The following GRAMD2A variants were observed in gnomAD, a reference collection of about 807,000 sequenced individuals.
GRAMD2A encodes the protein GRAM domain containing 2A.
Under a neutral mutation model 51.1 loss-of-function variants are expected in GRAMD2A, and 37 were observed. The observed-to-expected ratio is 0.72, with a 90% confidence interval of 0.56 to 0.95. The LOEUF (loss-of-function observed/expected upper bound fraction) is 0.95, where lower values mean the gene tolerates loss of function less well. Ranked by LOEUF, GRAMD2A falls within the 40% of genes least tolerant of loss-of-function variation. GRAMD2A has a pLI of 0.00. For missense variants in GRAMD2A, 414 were observed against 426.9 expected (o/e 0.97, Z 0.27); for synonymous variants, 136 against 157.1 (o/e 0.87, Z 1.01).
At position 72,160,537 on chromosome 15, in the gene GRAMD2A, C is replaced by T. The variant is rs1461457312; in HGVS notation, c.*1472G>A. Reference sequence around the variant, plus strand: ...CATAAACAGGACAGACAGTCGTCTGCTTCACAATAAATAATTTCCACCTGG... The same window carrying T: ...CATAAACAGGACAGACAGTCGTCTGTTTCACAATAAATAATTTCCACCTGG... On this transcript the variant is annotated 3_prime_UTR_variant, in exon 12 of 12. Transcript: ENST00000309731. 1 of 152,208 alleles carries T rather than the reference C, an allele frequency of 6.6e-6. No homozygotes were observed. The highest frequency in any genetic ancestry group is 1.5e-5 in the Non-Finnish European group (1 of 68,054). The allele number at this position is 152,208 out of a possible 1,614,324, so 9.4% of individuals were successfully genotyped here. A position where few individuals can be genotyped will look rare whatever the true frequency, so the allele number is the denominator to read the frequency against.
intron 1 of GRAMD2A, among the ~76,000 whole-genome samples, chr15:72,193,885 T>C (rs78813711): frequency 1.1e-4 from 17 of 152,314 alleles, no homozygotes; most frequent in African/African-American, 3.8e-4. Context: ...GGAATCACTT[T>C]CTCCTACAGT....
chr15:72,165,714 C>A (rs923011278), intron 7 of GRAMD2A, among the ~76,000 whole-genome samples: 1 of 152,224 alleles, frequency 6.6e-6, no homozygotes, highest in Non-Finnish European at 1.5e-5. Flanking sequence ...TAAGGAAGCA[C>A]AAGTGAGGGC....
At position 72,162,327 on chromosome 15, in the gene GRAMD2A, C is replaced by G; in HGVS notation, c.1007G>C (p.Arg336Pro). The change falls in exon 11 of 12, where the codon CGG (arginine) becomes CCG (proline). Residue 336 changes from arginine to proline, a missense_variant. Physicochemically the swap from Arg to Pro is moderately radical, Grantham distance 103. Transcript: ENST00000309731. ...CAAGGAGCATAACTGCTGCTCTAGC[C>G]GAGAAATACGGAACGCCAGGTAGGA... is the stretch of plus-strand genomic sequence containing the variant. ...SSSYLAFRIS[R>P]LEQQLCSLSW... The G allele has an allele frequency of 6.2e-7, 1 of 1,614,082 alleles. No homozygotes were observed. Among genetic ancestry groups the G allele is most frequent in the Non-Finnish European group, 8.5e-7 (1 of 1,180,004 alleles).
chr15:72,197,235 C>A (rs1392704838), intron 1 of GRAMD2A, among the ~76,000 whole-genome samples: 1 of 152,180 alleles, frequency 6.6e-6, no homozygotes, highest in African/African-American at 2.4e-5. Context: ...TGCCTCCCCG[C>A]AGCCGCGGGC....
chr15:72,167,473 C>T (rs2081560043), intron 5 of GRAMD2A, among the ~76,000 whole-genome samples: 1 of 152,212 alleles, frequency 6.6e-6, no homozygotes, highest in African/African-American at 2.4e-5. Context: ...TCTGAAATAC[C>T]CAGAGGCAGA....
chr15:72,188,669 T>G (rs1024574567), intron 1 of GRAMD2A, among the ~76,000 whole-genome samples: 1 of 152,142 alleles, frequency 6.6e-6, no homozygotes, highest in Non-Finnish European at 1.5e-5. Flanking sequence ...TTTTCTGTAT[T>G]TTTGGTATAC....
rs144817276 is a variant in GRAMD2A, at chr15:72,171,408, A to G, written c.42-1469T>C. Among the ~76,000 whole-genome samples, 79 of 152,266 alleles carry G rather than the reference A, an allele frequency of 5.2e-4. 2 individuals are homozygous for G. The East Asian group carries it at 0.013, about 26-fold the overall frequency. On this transcript the variant is annotated intron_variant, in intron 1 of 11. Coordinates refer to ENST00000309731, the MANE Select transcript of GRAMD2A (RefSeq NM_001012642.3). ...AAAATGTATGATAAACATATAACCT[A>G]TGTAAATGGTTATATAATCTATAAT...
chr15:72,178,619 A>G (rs922697791), intron 1 of GRAMD2A, among the ~76,000 whole-genome samples: 1 of 116,128 alleles, frequency 8.6e-6, no homozygotes, highest in African/African-American at 3.5e-5. Flanking sequence ...TCTATCGCCC[A>G]GGCTGGAGTG....
At chr15:72,169,635 A>C in intron 2 of GRAMD2A, 1 of 694,090 alleles carries the variant, frequency 1.4e-6, no homozygotes, top group Non-Finnish European at 2.6e-6. Context: ...AGGAGGCTGG[A>C]AACCCGAGAA....
intron 1 of GRAMD2A, among the ~76,000 whole-genome samples, chr15:72,184,600 A>G (rs1037358388): frequency 6.6e-6 from 1 of 152,148 alleles, no homozygotes; most frequent in East Asian, 1.9e-4. Context: ...GCTCCTGCCA[A>G]CTCGGCTCCC....
chr15:72,170,419 G>A lies in GRAMD2A; in HGVS notation c.42-480C>T. The stretch of plus-strand genomic sequence containing the variant: ...GCCTTATCAAAGCTCAGGAGCTGAT[G>A]CGCTGAAGGTGTGGGAGGTGGACGC... On this transcript the variant is annotated intron_variant, in intron 1 of 11. Coordinates refer to ENST00000309731, the MANE Select transcript of GRAMD2A (RefSeq NM_001012642.3). The surrounding 1 kb of genome is among the most constrained non-coding windows in gnomAD (Gnocchi z 4.5). 2 of 456,226 alleles carry A rather than the reference G, an allele frequency of 4.4e-6. No homozygotes were observed. The highest frequency in any genetic ancestry group is 3.1e-5 in the South Asian group (2 of 64,556). 28.3% of individuals were successfully genotyped at this position (456,226 alleles called of 1,614,324 possible). A position where few individuals can be genotyped will look rare whatever the true frequency, so the allele number is the denominator to read the frequency against.
In GRAMD2A at chr15:72,163,383, T is replaced by C. The variant is rs781611747; in HGVS notation, c.839A>G (p.Asn280Ser). ...AGCATTCTTTGCAGTGGGAGAGCAG[T>C]TCGGCATCTTCTTAGGGCAGGCAGG... ...WGPACPKKMP[N>S]CSPTAKNAVY... is the part of the protein sequence containing the mutation. Residue 280 changes from asparagine to serine, a missense_variant, in exon 10 of 12, where the codon AAC becomes AGC. Transcript: ENST00000309731. The C allele has an allele frequency of 1.2e-6, 2 of 1,614,050 alleles. No individual in the cohort carries two copies. The highest frequency in any genetic ancestry group is 3.3e-5 in the Admixed American group (2 of 60,012).
intron 1 of GRAMD2A, among the ~76,000 whole-genome samples, chr15:72,179,644 C>A (rs2081682155): frequency 6.6e-6 from 1 of 152,206 alleles, no homozygotes. Flanking sequence ...CCCTCTGTGA[C>A]CTGCAGATCG....
At chr15:72,179,517 G>A (rs749918363) in intron 1 of GRAMD2A, among the ~76,000 whole-genome samples, 4 of 152,240 alleles carry the variant, frequency 2.6e-5, no homozygotes, top group Non-Finnish European at 4.4e-5. Context: ...GCAGAGAGAA[G>A]CAGGGGGCCA....
At chr15:72,174,089 A>C (rs2140551250) in intron 1 of GRAMD2A, among the ~76,000 whole-genome samples, 1 of 152,286 alleles carries the variant, frequency 6.6e-6, no homozygotes, top group East Asian at 1.9e-4. Flanking sequence ...GGCCAAAATG[A>C]GTAAACCTGC....
intron 3 of GRAMD2A, 144 bp from the exon 4 acceptor site, chr15:72,168,710 T>C (rs1278532934): frequency 1.3e-6 from 1 of 764,394 alleles, no homozygotes; most frequent in Admixed American, 2.0e-5. Flanking sequence ...CCAGTGAGTA[T>C]GGAGGGCTGT....
chr15:72,179,059 G>A (rs764318117), intron 1 of GRAMD2A, among the ~76,000 whole-genome samples: 2 of 152,228 alleles, frequency 1.3e-5, no homozygotes, highest in Admixed American at 6.5e-5. Context: ...TCCCCTGGCA[G>A]CGGGCTCCAG....
chr15:72,191,803 T>G (rs1224918427), intron 1 of GRAMD2A, among the ~76,000 whole-genome samples: 2 of 152,094 alleles, frequency 1.3e-5, no homozygotes, highest in Non-Finnish European at 2.9e-5. Flanking sequence ...CATAGCCTGT[T>G]TTTTTCAACA....
rs144707895 is a variant in GRAMD2A at position 72,173,005 on chromosome 15, G to A, written c.42-3066C>T. Among the ~76,000 whole-genome samples, 226 of 152,260 alleles carry A rather than the reference G, an allele frequency of 1.5e-3. 5 individuals are homozygous for A. The East Asian group carries it at 0.034, about 23-fold the overall frequency. On this transcript the variant is annotated intron_variant, in intron 1 of 11. Transcript: ENST00000309731. ...CATGGGGCCGCCAGGGAAAAATTCT[G>A]TGGGCTCAGCTCTGAAGAACCTGCA...
Sources: gnomAD v4.1 joint callset for allele counts (sites outside exome capture counted in the v4.1 genomes callset) on GRCh38, gnomAD v4.1.1 for gene constraint, Gnocchi (gnomAD v3.1) non-coding constraint, MANE v1.5 for transcripts, NCBI Gene and HGNC (gene_info 2026-07-23, HGNC 2026-07-21) for gene names.